The following TCF20 variants were observed in gnomAD, a reference collection of about 807,000 sequenced individuals.
The protein encoded by TCF20 is transcription factor 20.
Under a neutral mutation model 148.6 loss-of-function variants are expected in TCF20, and 3 were observed. That is an observed-to-expected ratio of 0.02 (90% CI 0.01 to 0.05). The LOEUF is 0.05. Ranked by LOEUF, TCF20 falls within the 10% of genes least tolerant of loss-of-function variation. TCF20 has a pLI of 1.00. For missense variants in TCF20, 2,350 were observed against 2,429.3 expected (o/e 0.97, Z 0.69); for synonymous variants, 1,049 against 909.5 (o/e 1.15, Z -2.76).
At chr22:42,294,123 G>A (rs570749307) in intron 1 of TCF20, among the ~76,000 whole-genome samples, 8 of 152,236 alleles carry the variant, frequency 5.3e-5, no homozygotes, top group African/African-American at 9.6e-5. Context: ...GAACATCCCC[G>A]CAGGGCCAGC....
At chr22:42,236,256 C>T (rs1293377082) in intron 1 of TCF20, among the ~76,000 whole-genome samples, 2 of 151,328 alleles carry the variant, frequency 1.3e-5, no homozygotes, top group Admixed American at 6.6e-5. Flanking sequence ...ATCAAACAAA[C>T]AAAATAAACC....
At chr22:42,182,379 C>T (rs1461149351) in intron 2 of TCF20, among the ~76,000 whole-genome samples, 5 of 152,148 alleles carry the variant, frequency 3.3e-5, no homozygotes, top group Non-Finnish European at 7.3e-5. Context: ...GTAAATGTGA[C>T]CCAAGATGAC....
intron 1 of TCF20, among the ~76,000 whole-genome samples, chr22:42,246,977 A>C (rs1275110295): frequency 6.6e-6 from 1 of 151,374 alleles, no homozygotes; most frequent in Non-Finnish European, 1.5e-5. Flanking sequence ...AAAAATTAAA[A>C]AAAAAAAAAA....
chr22:42,323,917 A>G (rs191660725), intron 1 of TCF20, among the ~76,000 whole-genome samples: 576 of 14,494 alleles, frequency 0.04, 6 homozygotes, highest in South Asian at 0.059. Context: ...GGTGGTGGTG[A>G]TGGAGGTTAT....
chr22:42,225,471 G>A (rs940024320), intron 1 of TCF20, among the ~76,000 whole-genome samples: 27 of 150,748 alleles, frequency 1.8e-4, no homozygotes, highest in South Asian at 2.1e-4. Context: ...AAAATTAGCC[G>A]GGCGCGGTGG....
Position 42,292,082 on chromosome 22 carries a change from C to T in TCF20, c.-37+51397G>A, listed in dbSNP as rs1214826526. 1.3e-5 allele frequency among the ~76,000 whole-genome samples: 2 copies of T among 152,056 alleles called. No homozygotes were observed. The highest frequency in any genetic ancestry group is 3.2e-3 in the Middle Eastern group (1 of 316). The stretch of plus-strand genomic sequence containing the variant: ...CACACACCACCCCTCGTATGAGACC[C>T]GTGAGCACTAATGGGGCCTCACTCC... On this transcript the variant is annotated intron_variant, in intron 1 of 1. Transcript: ENST00000515426. This position sits in a 1 kb window ranked among gnomAD's most constrained non-coding sequence, Gnocchi z 4.9.
In TCF20 at chr22:42,338,644, G is replaced by T. The variant is rs1307931765; in HGVS notation, c.-37+4835C>A. ...TGCCTGCTCGGGAAAGGCGGAGGCA[G>T]ACAGCCATGTTGCCAGCTCCTGCGA... is the stretch of plus-strand genomic sequence containing the variant. On this transcript the variant is annotated intron_variant, in intron 1 of 1. Coordinates refer to the TCF20 transcript ENST00000515426. The surrounding 1 kb of genome is among the most constrained non-coding windows in gnomAD (Gnocchi z 4.0). Among the ~76,000 whole-genome samples, 1 of 152,250 alleles carries T rather than the reference G, an allele frequency of 6.6e-6. No individual in the cohort carries two copies. Among genetic ancestry groups the T allele is most frequent in the African/African-American group, 2.4e-5 (1 of 41,464 alleles).
chr22:42,309,790 G>A (rs1927500548), intron 1 of TCF20, among the ~76,000 whole-genome samples: 1 of 152,238 alleles, frequency 6.6e-6, no homozygotes. Context: ...TCTGAGCCTT[G>A]CTGTCCTCGT....
Position 42,211,191 on chromosome 22 carries a change from C to T in TCF20, c.4115G>A (p.Ser1372Asn), listed in dbSNP as rs371868789. The T allele has an allele frequency of 1.1e-5, 17 of 1,614,080 alleles. No individual in the cohort carries two copies. Among genetic ancestry groups the T allele is most frequent in the Admixed American group, 1.7e-5 (1 of 60,004 alleles). Residue 1372 changes from serine (S) to asparagine (N), a missense_variant, in exon 2 of 6, where the codon AGT (serine) becomes AAT (asparagine). By Grantham distance (46) the Ser-to-Asn change is conservative (BLOSUM62 1). This residue lies in a region of TCF20 where 231 missense variants were observed against 213.7 expected (regional missense o/e 1.08). Coordinates refer to ENST00000677622, the MANE Select transcript of TCF20 (RefSeq NM_001378418.1). ...AACCGTGTCTCCCCCAGCCTCCGCA[C>T]TGTTCGAAGATGCGCTCCTCCTAAT... ...PNIRRSASSNSAEAGGDTVTL... is the reference protein window; with the variant it reads ...PNIRRSASSNNAEAGGDTVTL...
intron 5 of TCF20, among the ~76,000 whole-genome samples, chr22:42,164,212 C>CTTTTTTTTTTT (rs56079117): frequency 1.2e-5 from 1 of 83,556 alleles, no homozygotes; most frequent in African/African-American, 4.8e-5. Context: ...TCATTTCTTT[C>CTTTTTTTTTTT]TTTTTTTTTT....
chr22:42,209,752 A>G lies in TCF20; in HGVS notation c.5554T>C (p.Phe1852Leu), dbSNP rs1224686422. The G allele has an allele frequency of 6.2e-7, 1 of 1,614,066 alleles. No homozygotes were observed. Among genetic ancestry groups the G allele is most frequent in the African/African-American group, 1.3e-5 (1 of 74,932 alleles). The change falls in exon 2 of 6, where the codon TTT (phenylalanine) becomes CTT (leucine). Residue 1852 changes from phenylalanine (F) to leucine (L), a missense_variant. By Grantham distance (22) the Phe-to-Leu change is conservative. This residue lies in a region of TCF20 where 374 missense variants were observed against 398.3 expected (regional missense o/e 0.94). Coordinates refer to ENST00000677622, the MANE Select transcript of TCF20 (RefSeq NM_001378418.1). ...IPELPLDSNE[F>L]WVHEGCILWA... is the part of the protein sequence containing the mutation. ...AGAATACAACCCTCATGGACCCAAA[A>G]TTCATTGCTGTCAAGAGGTAGTTCA...
At chr22:42,205,163 C>T (rs1938303017) in intron 2 of TCF20, among the ~76,000 whole-genome samples, 1 of 152,216 alleles carries the variant, frequency 6.6e-6, no homozygotes, top group South Asian at 2.1e-4. Context: ...TAATATCATT[C>T]ATGTCAGAGG....
chr22:42,318,211 C>T (rs1927668649), intron 1 of TCF20, among the ~76,000 whole-genome samples: 1 of 152,244 alleles, frequency 6.6e-6, no homozygotes, highest in South Asian at 2.1e-4. Context: ...CTGGATCTGG[C>T]TATACCTGTA....
chr22:42,174,036 G>A (rs1275547634), intron 3 of TCF20, among the ~76,000 whole-genome samples: 2 of 152,040 alleles, frequency 1.3e-5, no homozygotes, highest in East Asian at 1.9e-4. Context: ...AGGGTCCTGC[G>A]CTTCTCTGCT....
At chr22:42,205,889 A>G (rs1938353339) in intron 2 of TCF20, among the ~76,000 whole-genome samples, 1 of 152,180 alleles carries the variant, frequency 6.6e-6, no homozygotes, top group South Asian at 2.1e-4. Flanking sequence ...CTCCTGCCTC[A>G]GCCTCCCGAG....
chr22:42,324,062 T>C (rs1005079511), intron 1 of TCF20, among the ~76,000 whole-genome samples: 4,534 of 70,718 alleles, frequency 0.064, 72 homozygotes, highest in Non-Finnish European at 0.096. Flanking sequence ...GTGGTGGTGA[T>C]GGAGGTTATG....
chr22:42,326,372 C>T (rs181978221), intron 1 of TCF20, among the ~76,000 whole-genome samples: 3 of 152,328 alleles, frequency 2.0e-5, no homozygotes, highest in Admixed American at 2.0e-4. Flanking sequence ...GGTGAAGCCG[C>T]CCTGTGACAA....
intron 1 of TCF20, among the ~76,000 whole-genome samples, chr22:42,246,625 A>C (rs1795257678): frequency 6.6e-6 from 1 of 152,196 alleles, no homozygotes; most frequent in African/African-American, 2.4e-5. Flanking sequence ...CCAATACCAT[A>C]ATCTTGCCCT....
chr22:42,338,118 C>T lies in TCF20; in HGVS notation c.-37+5361G>A, dbSNP rs1017274305. ...GAAAACCCTCTGGGCCCAGGTCCTA[C>T]TCTGTACACAACTCCCGCCTCGGTC... On this transcript the variant is annotated intron_variant, in intron 1 of 1. Coordinates refer to the TCF20 transcript ENST00000515426. The surrounding 1 kb of genome is among the most constrained non-coding windows in gnomAD (Gnocchi z 4.0). 6.6e-6 allele frequency among the ~76,000 whole-genome samples: 1 copy of T among 152,236 alleles called. No homozygotes were observed. The highest frequency in any genetic ancestry group is 2.4e-5 in the African/African-American group (1 of 41,456).
Sources: gnomAD v4.1 joint callset for allele counts (sites outside exome capture counted in the v4.1 genomes callset) on GRCh38, gnomAD v4.1.1 for gene constraint, gnomAD v4.1.1 regional missense constraint, Gnocchi (gnomAD v3.1) non-coding constraint, MANE v1.5 for transcripts, NCBI Gene and HGNC (gene_info 2026-07-23, HGNC 2026-07-21) for gene names.